FAT3: variants seen among roughly 807,000 people sequenced by gnomAD.
The protein encoded by FAT3 is FAT atypical cadherin 3, also known as protocadherin Fat 3.
Under a neutral mutation model 310.2 loss-of-function variants are expected in FAT3, and 95 were observed. That is an observed-to-expected ratio of 0.31 (90% CI 0.26 to 0.36). The LOEUF is 0.36. FAT3 is among the 10% of genes least tolerant of loss of function. The pLI, the probability that FAT3 is intolerant of heterozygous loss-of-function variation, is 1.00. For missense variants in FAT3, 5,408 were observed against 5,715.6 expected (o/e 0.95, Z 1.74); for synonymous variants, 2,314 against 2,192.9 (o/e 1.06, Z -1.54).
chr11:92,458,000 C>G (rs1377157386), intron 2 of FAT3, among the ~76,000 whole-genome samples: 1 of 152,158 alleles, frequency 6.6e-6, no homozygotes, highest in Non-Finnish European at 1.5e-5. Context: ...CAGCAGCTCT[C>G]CTGTCTGTTA....
intron 3 of FAT3, among the ~76,000 whole-genome samples, chr11:92,658,421 TTCAGAC>T (rs2135784913): frequency 6.6e-6 from 1 of 152,276 alleles, no homozygotes; most frequent in South Asian, 2.1e-4. Context: ...ACAGCACAGG[TTCAGAC>T]TCAGCATCAT....
chr11:92,564,000 A>G (rs1955336286), intron 3 of FAT3, among the ~76,000 whole-genome samples: 1 of 152,104 alleles, frequency 6.6e-6, no homozygotes, highest in Admixed American at 6.5e-5. Flanking sequence ...ATAACCAGCT[A>G]ACATCATAAT....
intron 1 of FAT3, among the ~76,000 whole-genome samples, chr11:92,326,392 A>C (rs1947765089): frequency 6.6e-6 from 1 of 152,230 alleles, no homozygotes; most frequent in Non-Finnish European, 1.5e-5. Flanking sequence ...AAAGGAATTA[A>C]AAACCAGGGA....
At chr11:92,530,176 G>C (rs1487446696) in intron 3 of FAT3, among the ~76,000 whole-genome samples, 4 of 152,116 alleles carry the variant, frequency 2.6e-5, no homozygotes, top group Non-Finnish European at 5.9e-5. Flanking sequence ...GATAAGAGAG[G>C]GGGTAACAGG....
At chr11:92,495,217 C>T (rs1952718824) in intron 2 of FAT3, among the ~76,000 whole-genome samples, 1 of 152,018 alleles carries the variant, frequency 6.6e-6, no homozygotes, top group African/African-American at 2.4e-5. Context: ...GCGAGGTAGA[C>T]AGAACAAGGG....
chr11:92,253,062 C>T (rs1865193250), intron 1 of FAT3, among the ~76,000 whole-genome samples: 1 of 152,030 alleles, frequency 6.6e-6, no homozygotes. Context: ...ACAATTATTG[C>T]CACCCCTTCC....
At chr11:92,777,763 A>T (rs1293840795) in intron 7 of FAT3, among the ~76,000 whole-genome samples, 1 of 152,078 alleles carries the variant, frequency 6.6e-6, no homozygotes, top group East Asian at 1.9e-4. Flanking sequence ...AGGTGCCAAT[A>T]CCTACAACAT....
chr11:92,452,449 C>T lies in FAT3; in HGVS notation c.3293-72185C>T, dbSNP rs756081259. Among the ~76,000 whole-genome samples the T allele has an allele frequency of 5.3e-5, 8 of 152,080 alleles. No individual in the cohort carries two copies. The East Asian group carries it at 1.5e-3, about 29-fold the overall frequency. ...CAATTAGAAATTAGTGGAGGTCCTTCGAAATTATGAAGGACATCATAATGT... is the reference window on the plus strand; with the variant it reads ...CAATTAGAAATTAGTGGAGGTCCTTTGAAATTATGAAGGACATCATAATGT... On this transcript the variant is annotated intron_variant, in intron 2 of 27. Transcript: ENST00000525166.
intron 2 of FAT3, chr11:92,498,514 C>A: frequency 6.5e-6 from 1 of 154,494 alleles, no homozygotes; most frequent in Non-Finnish European, 1.4e-5. Flanking sequence ...TTTAGTAAAA[C>A]TGACACAGAA....
At chr11:92,665,913 G>A (rs1207416488) in intron 3 of FAT3, among the ~76,000 whole-genome samples, 3 of 152,214 alleles carry the variant, frequency 2.0e-5, no homozygotes, top group African/African-American at 4.8e-5. Context: ...GCTCATGCCT[G>A]TAATCTCAGT....
intron 3 of FAT3, among the ~76,000 whole-genome samples, chr11:92,631,295 A>G (rs1941548725): frequency 1.3e-5 from 2 of 152,194 alleles, no homozygotes; most frequent in Admixed American, 1.3e-4. Flanking sequence ...AAAAAGGGTC[A>G]CCATGACAGT....
intron 3 of FAT3, among the ~76,000 whole-genome samples, chr11:92,533,835 G>A (rs1741260483): frequency 6.6e-6 from 1 of 151,986 alleles, no homozygotes; most frequent in South Asian, 2.1e-4. Context: ...CCTTACCCTG[G>A]GGCTCAGCTG....
chr11:92,370,156 C>A (rs1298572085), intron 2 of FAT3, among the ~76,000 whole-genome samples: 1 of 152,130 alleles, frequency 6.6e-6, no homozygotes, highest in Non-Finnish European at 1.5e-5. Context: ...ATAATATGCA[C>A]ATTATTGTTG....
chr11:92,759,295 CAG>C (rs1225633505), intron 4 of FAT3, among the ~76,000 whole-genome samples: 2 of 152,180 alleles, frequency 1.3e-5, no homozygotes, highest in Non-Finnish European at 1.5e-5. Flanking sequence ...TGGCTTGACA[CAG>C]GGGTGAGAGC....
chr11:92,364,446 T>C (rs1038719844), intron 2 of FAT3, among the ~76,000 whole-genome samples: 4 of 152,068 alleles, frequency 2.6e-5, no homozygotes, highest in African/African-American at 9.7e-5. Context: ...TTGCATCTCA[T>C]TTCAGTCTTC....
At chr11:92,457,655 C>G (rs1951525635) in intron 2 of FAT3, among the ~76,000 whole-genome samples, 2 of 152,180 alleles carry the variant, frequency 1.3e-5, no homozygotes, top group South Asian at 4.1e-4. Context: ...GGTGCTGTGG[C>G]TCACACCTGT....
chr11:92,777,269 G>A (rs2136123735), intron 7 of FAT3, among the ~76,000 whole-genome samples: 1 of 152,276 alleles, frequency 6.6e-6, no homozygotes, highest in South Asian at 2.1e-4. Flanking sequence ...TAAACAACAT[G>A]TTGAACTTGG....
At chr11:92,385,264 T>C (rs1283136499) in intron 2 of FAT3, among the ~76,000 whole-genome samples, 2 of 152,232 alleles carry the variant, frequency 1.3e-5, no homozygotes, top group Non-Finnish European at 2.9e-5. Context: ...GTTTGAGTTA[T>C]CTGGCATCCC....
intron 3 of FAT3, among the ~76,000 whole-genome samples, chr11:92,663,372 G>T (rs915243735): frequency 6.6e-6 from 1 of 152,142 alleles, no homozygotes; most frequent in Non-Finnish European, 1.5e-5. Flanking sequence ...GATACCACAG[G>T]CAATGGAGAA....
Sources: allele counts gnomAD v4.1 joint callset (sites outside exome capture counted in the v4.1 genomes callset), GRCh38; gene constraint gnomAD v4.1.1; transcripts MANE v1.5; gene names NCBI Gene and HGNC (gene_info 2026-07-23, HGNC 2026-07-21).